Variants in SLC6A18 observed in about 807,000 individuals in gnomAD.
The protein encoded by SLC6A18 is solute carrier family 6 member 18.
A neutral mutation model predicts 62.9 loss-of-function variants in SLC6A18; 58 were observed. The ratio of observed to expected loss-of-function variants is 0.92; its 90% CI spans 0.75 to 1.15. SLC6A18 has a LOEUF of 1.15. SLC6A18 is among the 50% of genes most tolerant of loss of function. The pLI is 0.00. For missense variants in SLC6A18, 793 were observed against 836.6 expected, an observed-to-expected ratio of 0.95 and a Z score of 0.64; for synonymous variants, 382 against 365.8, an observed-to-expected ratio of 1.04 and a Z score of -0.51.
Position 1,244,767 on chromosome 5 carries a change from C to G in SLC6A18, c.1656C>G (p.Tyr552Ter). 1.3e-6 allele frequency: 2 copies of G among 1,599,454 alleles called. No individual in the cohort carries two copies. Among genetic ancestry groups the G allele is most frequent in the Non-Finnish European group, 1.7e-6 (2 of 1,169,112 alleles). Residue 552 changes from tyrosine to a stop codon, truncating the protein, a stop_gained and splice_region_variant, in exon 11 of 12, where the codon TAC becomes TAG. Coordinates refer to ENST00000324642, the MANE Select transcript of SLC6A18 (RefSeq NM_182632.3). LOFTEE classifies it low-confidence loss of function (END_TRUNC). The stretch of plus-strand genomic sequence containing the variant: ...GATACAAGGCCTGGAACCCCAAATA[C>G]GTAGGTCCTTCCGGTGGGAACCTGG... ...PLRYKAWNPK[Y>*]ELFPSRQEKL...
In SLC6A18 at chr5:1,245,230, T is replaced by C. The variant is rs908462658; in HGVS notation, c.1656+463T>C. Among the ~76,000 whole-genome samples, 5 of 151,924 alleles carry C rather than the reference T, an allele frequency of 3.3e-5. No homozygotes were observed. In the South Asian group the frequency reaches 1.0e-3, roughly 32 times the overall value. ...GTGGGTCAGTTTGGCTGGAGGCCGT[T>C]TCCACACAAAAGCCTCCCGAGGAGA... On this transcript the variant is annotated intron_variant, in intron 11 of 11. Transcript: ENST00000324642.
rs772797922 is a variant in SLC6A18, at chr5:1,232,736, G to T, written c.302-15G>T. On this transcript the variant is annotated splice_polypyrimidine_tract_variant and intron_variant, in intron 2 of 11. Transcript: ENST00000324642. ...AAGGAGCCCCGGGGCCACCTGACAT[G>T]GTCCCTGTCCACAGGGCTGGGCTGT... 6.2e-7 allele frequency: 1 copy of T among 1,600,254 alleles called. No individual in the cohort carries two copies. The highest frequency in any genetic ancestry group is 2.2e-5 in the East Asian group (1 of 44,664).
chr5:1,244,857 T>A, intron 11 of SLC6A18, 90 bp downstream of exon 11: 1 of 1,419,088 alleles, frequency 7.0e-7, no homozygotes, highest in Admixed American at 2.3e-5. Context: ...CGACGACCCA[T>A]GCGGTGCACA....
intron 6 of SLC6A18, 148 bp downstream of exon 6, chr5:1,239,710 C>A: frequency 3.2e-6 from 2 of 627,426 alleles, no homozygotes; most frequent in Non-Finnish European, 5.6e-6. Flanking sequence ...GCCCTCACGG[C>A]AGCTCCCAGC....
rs770840769 is a variant in SLC6A18 at position 1,243,511 on chromosome 5, T to G, written c.1132-44T>G. The G allele has an allele frequency of 7.6e-6, 12 of 1,571,884 alleles. No homozygotes were observed. ...AGGCAGGCGTGTGTGTGTGGTGGAG[T>G]GTGTGTGTGCGTGGCCTGAAGCCCG... On this transcript the variant is annotated intron_variant, in intron 8 of 11. Coordinates refer to ENST00000324642, the MANE Select transcript of SLC6A18 (RefSeq NM_182632.3). The surrounding 1 kb of genome is among the most constrained non-coding windows in gnomAD (Gnocchi z 6.5).
Position 1,243,778 on chromosome 5 carries a change from C to A in SLC6A18, c.1336+19C>A. On this transcript the variant is annotated intron_variant, in intron 9 of 11. Coordinates refer to ENST00000324642, the MANE Select transcript of SLC6A18 (RefSeq NM_182632.3). The surrounding 1 kb of genome is among the most constrained non-coding windows in gnomAD (Gnocchi z 6.5). ...CTGACTGGTGAGCGCACAGCTCCGC[C>A]GCCCTGGAGGACCCGTCCCCAGCAT... 6.4e-7 allele frequency: 1 copy of A among 1,573,280 alleles called. No individual in the cohort carries two copies. Among genetic ancestry groups the A allele is most frequent in the South Asian group, 1.2e-5 (1 of 86,050 alleles).
chr5:1,245,473 G>A (rs7716467), intron 11 of SLC6A18, among the ~76,000 whole-genome samples: 3 of 152,202 alleles, frequency 2.0e-5, no homozygotes, highest in Admixed American at 2.0e-4. Flanking sequence ...ATGTATTTTT[G>A]AAGAATTTCC....
chr5:1,233,192 G>A (rs921567666), intron 3 of SLC6A18, among the ~76,000 whole-genome samples: 28 of 152,182 alleles, frequency 1.8e-4, no homozygotes, highest in Non-Finnish European at 1.9e-4. Flanking sequence ...GATTTAAGAC[G>A]TTAGGTCGGA....
intron 1 of SLC6A18, among the ~76,000 whole-genome samples, chr5:1,227,960 C>A (rs1431661918): frequency 6.6e-6 from 1 of 152,218 alleles, no homozygotes; most frequent in Non-Finnish European, 1.5e-5. Flanking sequence ...GGTCACTCAT[C>A]AAGCGCGCCC....
chr5:1,232,782 C>T lies in SLC6A18; in HGVS notation c.333C>T (p.Ile111=), dbSNP rs780239178. Residue 111 remains isoleucine, a synonymous_variant, in exon 3 of 12, where the codon ATC becomes ATT. Coordinates refer to ENST00000324642, the MANE Select transcript of SLC6A18 (RefSeq NM_182632.3). ...GCTGTGTCACGCTGTCCTTCCTGAT[C>T]AGCCTGTACTACAACACCATCGTGG... ...GLGCVTLSFL[I]SLYYNTIVAW... 6.2e-7 allele frequency: 1 copy of T among 1,613,514 alleles called. No homozygotes were observed. Among genetic ancestry groups the T allele is most frequent in the Non-Finnish European group, 8.5e-7 (1 of 1,179,980 alleles).
Position 1,240,513 on chromosome 5 carries a change from G to A in SLC6A18, c.846-18G>A. On this transcript the variant is annotated intron_variant, in intron 6 of 11. Transcript: ENST00000324642. ...TTACCTCCTGCAAAGCCTGTGATGA[G>A]CGTGCGTTTGTGCCCAGGAATGACT... is the stretch of plus-strand genomic sequence containing the variant. The A allele has an allele frequency of 6.2e-7, 1 of 1,613,918 alleles. No individual in the cohort carries two copies. Among genetic ancestry groups the A allele is most frequent in the Non-Finnish European group, 8.5e-7 (1 of 1,179,882 alleles).
At chr5:1,240,451 AG>A in intron 6 of SLC6A18, 79 bp from the exon 7 acceptor site, 1 of 1,577,212 alleles carries the variant, frequency 6.3e-7, no homozygotes, top group Non-Finnish European at 8.6e-7. Flanking sequence ...CAAGGAGGGA[AG>A]CCCCCTCCTC....
chr5:1,226,413 C>A (rs1746563320), intron 1 of SLC6A18, among the ~76,000 whole-genome samples: 1 of 152,180 alleles, frequency 6.6e-6, no homozygotes, highest in East Asian at 1.9e-4. Context: ...GCAACACGGG[C>A]AGGGGCTTCC....
intron 1 of SLC6A18, among the ~76,000 whole-genome samples, chr5:1,228,550 G>C (rs866445069): frequency 6.6e-6 from 1 of 152,120 alleles, no homozygotes; most frequent in Non-Finnish European, 1.5e-5. Flanking sequence ...TCGATCCTGC[G>C]TGGATCGATT....
intron 6 of SLC6A18, among the ~76,000 whole-genome samples, chr5:1,239,946 A>G (rs932203791): frequency 5.9e-5 from 9 of 152,244 alleles, no homozygotes; most frequent in Non-Finnish European, 1.0e-4. Flanking sequence ...CACGGATCAT[A>G]AAGTGCATAG....
At chr5:1,226,735 A>G (rs1038664969) in intron 1 of SLC6A18, among the ~76,000 whole-genome samples, 1 of 152,090 alleles carries the variant, frequency 6.6e-6, no homozygotes, top group African/African-American at 2.4e-5. Context: ...CTTTGAAGGC[A>G]TTTCTGAAAG....
Position 1,232,840 on chromosome 5 carries a change from C to T in SLC6A18, c.391C>T (p.Gln131Ter). 1 of 1,613,254 alleles carries T rather than the reference C, an allele frequency of 6.2e-7. No homozygotes were observed. Among genetic ancestry groups the T allele is most frequent in the Non-Finnish European group, 8.5e-7 (1 of 1,179,974 alleles). ...WVLWYLLNSF[Q>*]HPLPWSSCPP... ...GCTGTGGTACCTCCTCAACTCCTTC[C>T]AGCACCCGCTGCCCTGGAGCTCCTG... The change falls in exon 3 of 12, where the codon CAG (glutamine) becomes TAG (stop). Residue 131 changes from glutamine (Q) to a stop codon, truncating the protein, a stop_gained. Coordinates refer to ENST00000324642, the MANE Select transcript of SLC6A18 (RefSeq NM_182632.3). LOFTEE classifies it high-confidence loss of function.
rs1043563843 is a variant in SLC6A18, at chr5:1,245,848, G to A, written c.1657G>A (p.Glu553Lys). ...AGCTAATGAGGCTGTGGTCCCGCAG[G>A]AGCTGTTCCCCTCGCGTCAGGAGAA... is the stretch of plus-strand genomic sequence containing the variant. Reference protein sequence around the residue: ...LRYKAWNPKYELFPSRQEKLY... With the variant: ...LRYKAWNPKYKLFPSRQEKLY... The change falls in exon 12 of 12, where the codon GAG becomes AAG. Residue 553 changes from glutamate to lysine, a missense_variant and splice_region_variant. Physicochemically the swap from Glu to Lys is moderately conservative, Grantham distance 56 (BLOSUM62 1). Coordinates refer to ENST00000324642, the MANE Select transcript of SLC6A18 (RefSeq NM_182632.3). 5 of 1,606,502 alleles carry A rather than the reference G, an allele frequency of 3.1e-6. No individual in the cohort carries two copies. Among genetic ancestry groups the A allele is most frequent in the Non-Finnish European group, 4.2e-6 (5 of 1,177,732 alleles).
At position 1,245,939 on chromosome 5, in the gene SLC6A18, CG is replaced by C; in HGVS notation, c.1750del (p.Val584TrpfsTer?). The C allele has an allele frequency of 6.2e-7, 1 of 1,603,550 alleles. No individual in the cohort carries two copies. The highest frequency in any genetic ancestry group is 8.5e-7 in the Non-Finnish European group (1 of 1,179,418). ...LLSLLPVLWV[P>X]VAALAQLLTR... ...TCCTTGCTGCCCGTGCTGTGGGTCC[CG>C]GTGGCCGCGCTTGCTCAGCTGCTCA... On this transcript the variant is annotated frameshift_variant, in exon 12 of 12. Transcript: ENST00000324642. LOFTEE classifies it low-confidence loss of function (END_TRUNC).
Sources: gnomAD v4.1 joint callset for allele counts (sites outside exome capture counted in the v4.1 genomes callset) on GRCh38, gnomAD v4.1.1 for gene constraint, Gnocchi (gnomAD v3.1) non-coding constraint, MANE v1.5 for transcripts, NCBI Gene and HGNC (gene_info 2026-07-23, HGNC 2026-07-21) for gene names.